The following GPC6 variants were observed in gnomAD, a reference collection of about 807,000 sequenced individuals.
GPC6 encodes glypican 6.
GPC6 carries 14 observed loss-of-function variants against 55.2 expected under a neutral mutation model. The observed-to-expected ratio is 0.25, with a 90% confidence interval of 0.17 to 0.40. The LOEUF (loss-of-function observed/expected upper bound fraction) is 0.40. Among genes scored for constraint, GPC6 ranks in the 10% least tolerant of loss-of-function variants. The pLI is 1.00. For synonymous variants in GPC6, 278 were observed against 259.6 expected, an observed-to-expected ratio of 1.07 and a Z score of -0.68; for missense variants, 641 against 708.5, an observed-to-expected ratio of 0.90 and a Z score of 1.08.
At chr13:93,896,954 TG>T (rs1876046745) in intron 3 of GPC6, among the ~76,000 whole-genome samples, 1 of 150,676 alleles carries the variant, frequency 6.6e-6, no homozygotes, top group Non-Finnish European at 1.5e-5. Context: ...AGAGTGAGGC[TG>T]GATAGAATGT....
rs189875893 is a variant in GPC6, at chr13:93,773,312, A to G, written c.320-56842A>G. 5.1e-3 allele frequency among the ~76,000 whole-genome samples: 784 copies of G among 152,288 alleles called. 7 individuals are homozygous for G. The highest frequency in any genetic ancestry group is 0.019 in the South Asian group (93 of 4,826). ...CTTTACGTATAAATTAAATAAGTTAACATGAAGGCATATATGTCATAATCT... is the reference window on the plus strand; with the variant it reads ...CTTTACGTATAAATTAAATAAGTTAGCATGAAGGCATATATGTCATAATCT... On this transcript the variant is annotated intron_variant, in intron 2 of 8. Transcript: ENST00000377047.
intron 1 of GPC6, among the ~76,000 whole-genome samples, chr13:93,301,031 AG>A (rs1263259095): frequency 3.9e-4 from 60 of 152,236 alleles, no homozygotes; most frequent in African/African-American, 1.3e-3. Context: ...AAAAAAAAAA[AG>A]AAAACCTTGT....
chr13:93,742,319 T>A (rs889176091), intron 2 of GPC6, among the ~76,000 whole-genome samples: 6 of 152,222 alleles, frequency 3.9e-5, no homozygotes, highest in African/African-American at 1.4e-4. Flanking sequence ...TCTATTTTGA[T>A]GGCCTTTCTA....
intron 6 of GPC6, among the ~76,000 whole-genome samples, chr13:94,314,986 C>A (rs888852544): frequency 3.3e-5 from 5 of 152,162 alleles, no homozygotes; most frequent in Admixed American, 6.5e-5. Context: ...AAATTGACTT[C>A]CCTTCATAAC....
chr13:94,369,430 A>G (rs9589976), intron 6 of GPC6, among the ~76,000 whole-genome samples: 7,681 of 152,252 alleles, frequency 0.05, 630 homozygotes, highest in African/African-American at 0.17. Context: ...AAAGTCAAAT[A>G]TGTCTCATCA....
rs140558460 is a variant in GPC6 at position 93,963,671 on chromosome 13, C to A, written c.712-64058C>A. On this transcript the variant is annotated intron_variant, in intron 3 of 8. Coordinates refer to ENST00000377047, the MANE Select transcript of GPC6 (RefSeq NM_005708.5). ...ATCATCTCCGTTAGACAGATGGTAT[C>A]TTTGGAATTGTTGTGACATTTCATT... 2.1e-4 allele frequency among the ~76,000 whole-genome samples: 32 copies of A among 152,228 alleles called. No individual in the cohort carries two copies. The East Asian group carries it at 5.8e-3, about 28-fold the overall frequency.
At chr13:93,958,215 T>G (rs962347120) in intron 3 of GPC6, among the ~76,000 whole-genome samples, 2 of 152,208 alleles carry the variant, frequency 1.3e-5, no homozygotes, top group African/African-American at 4.8e-5. Flanking sequence ...GCTCTTTAAT[T>G]TAGTTAGATC....
intron 6 of GPC6, among the ~76,000 whole-genome samples, chr13:94,322,058 T>C (rs1200173035): frequency 6.6e-6 from 1 of 152,202 alleles, no homozygotes; most frequent in Non-Finnish European, 1.5e-5. Flanking sequence ...CCAAATTTCA[T>C]CTGAATTGTA....
At chr13:93,685,184 T>C (rs947279540) in intron 2 of GPC6, among the ~76,000 whole-genome samples, 5 of 152,212 alleles carry the variant, frequency 3.3e-5, no homozygotes, top group Non-Finnish European at 7.3e-5. Flanking sequence ...AAAAATGGTC[T>C]GTGGTAGGCA....
chr13:93,397,745 G>A (rs538877384), intron 1 of GPC6, among the ~76,000 whole-genome samples: 1 of 150,806 alleles, frequency 6.6e-6, no homozygotes, highest in Non-Finnish European at 1.5e-5. Flanking sequence ...AGATAACCAT[G>A]TTCTTTTCTC....
chr13:93,527,551 T>C (rs545574499), intron 1 of GPC6, among the ~76,000 whole-genome samples: 8 of 152,290 alleles, frequency 5.3e-5, no homozygotes, highest in Admixed American at 5.2e-4. Flanking sequence ...AACACAGACA[T>C]TTTAAAGCCC....
intron 4 of GPC6, among the ~76,000 whole-genome samples, chr13:94,176,332 T>G (rs1198977637): frequency 2.0e-5 from 3 of 152,142 alleles, no homozygotes; most frequent in Admixed American, 2.0e-4. Flanking sequence ...CCTGAGACTA[T>G]GGTGATCTTT....
intron 5 of GPC6, among the ~76,000 whole-genome samples, chr13:94,300,885 C>T (rs1193443053): frequency 6.6e-6 from 1 of 152,160 alleles, no homozygotes; most frequent in African/African-American, 2.4e-5. Context: ...CTTAAAATAG[C>T]ATTCTTCTCT....
At chr13:93,852,270 T>C (rs935178746) in intron 3 of GPC6, among the ~76,000 whole-genome samples, 1 of 151,708 alleles carries the variant, frequency 6.6e-6, no homozygotes, top group Non-Finnish European at 1.5e-5. Context: ...TTTACAGGTA[T>C]ATGCACAATG....
chr13:94,300,050 TA>T (rs1251017414), intron 5 of GPC6, among the ~76,000 whole-genome samples: 1 of 152,166 alleles, frequency 6.6e-6, no homozygotes, highest in Non-Finnish European at 1.5e-5. Context: ...GGATTTAATA[TA>T]AAAGATTAGA....
intron 2 of GPC6, among the ~76,000 whole-genome samples, chr13:93,811,753 A>C (rs1886700396): frequency 6.6e-6 from 1 of 152,186 alleles, no homozygotes; most frequent in African/African-American, 2.4e-5. Context: ...ATCTAAATTA[A>C]TTGGGAAGGA....
intron 2 of GPC6, among the ~76,000 whole-genome samples, chr13:93,792,832 AG>A (rs1202819165): frequency 2.6e-5 from 4 of 152,318 alleles, no homozygotes; most frequent in African/African-American, 9.6e-5. Flanking sequence ...TGAGCTTCTC[AG>A]GACAGGCTGA....
chr13:94,150,438 A>C (rs1887697576), intron 4 of GPC6, among the ~76,000 whole-genome samples: 1 of 151,490 alleles, frequency 6.6e-6, no homozygotes, highest in African/African-American at 2.4e-5. Flanking sequence ...TGTCTTCCAA[A>C]CCCCTTCTTG....
intron 2 of GPC6, among the ~76,000 whole-genome samples, chr13:93,560,226 G>A (rs1269865140): frequency 1.3e-5 from 2 of 151,788 alleles, no homozygotes; most frequent in African/African-American, 4.8e-5. Context: ...AAAAAATAAT[G>A]GATTTGCAGT....
Sources: allele counts gnomAD v4.1 joint callset (sites outside exome capture counted in the v4.1 genomes callset), GRCh38; gene constraint gnomAD v4.1.1; transcripts MANE v1.5; gene names NCBI Gene and HGNC (gene_info 2026-07-23, HGNC 2026-07-21).